The following CACNA1B variants were observed in gnomAD, a reference collection of about 807,000 sequenced individuals.
CACNA1B encodes calcium voltage-gated channel subunit alpha1 B.
CACNA1B carries 70 observed loss-of-function variants against 247.2 expected under a neutral mutation model. The observed-to-expected ratio is 0.28, with a 90% CI of 0.23 to 0.35. The LOEUF is 0.35. CACNA1B is among the 10% of genes least tolerant of loss of function. The pLI is 1.00. For synonymous variants in CACNA1B, 1,231 were observed against 1,294.4 expected (o/e 0.95, Z 1.05); for missense variants, 2,367 against 3,197.4 (o/e 0.74, Z 6.26).
At chr9:138,041,819 A>ATTGTAG (rs1959126941) in intron 20 of CACNA1B, among the ~76,000 whole-genome samples, 1 of 152,152 alleles carries the variant, frequency 6.6e-6, no homozygotes, top group South Asian at 2.1e-4. Flanking sequence ...CAGTGGTGCC[A>ATTGTAG]TTGTAGCTCA....
At chr9:137,944,235 G>A (rs984188422) in intron 6 of CACNA1B, among the ~76,000 whole-genome samples, 1 of 152,136 alleles carries the variant, frequency 6.6e-6, no homozygotes, top group African/African-American at 2.4e-5. Flanking sequence ...GGGCCCATCT[G>A]TAGCTTTTGG....
At chr9:138,099,249 C>T (rs1459103160) in intron 37 of CACNA1B, among the ~76,000 whole-genome samples, 1 of 152,158 alleles carries the variant, frequency 6.6e-6, no homozygotes, top group African/African-American at 2.4e-5. Flanking sequence ...ACACAGATGT[C>T]TACATGTGTG....
rs748327990 is a variant in CACNA1B, at chr9:138,052,233, T to C, written c.3807+45T>C. On this transcript the variant is annotated intron_variant, in intron 25 of 46. Coordinates refer to ENST00000371372, the MANE Select transcript of CACNA1B (RefSeq NM_000718.4). This position sits in a 1 kb window ranked among gnomAD's most constrained non-coding sequence, Gnocchi z 5.1. ...GCTTGAGGGATGTGCTGTGTGTGTGTGCGTGTGTGTGTGTGCGTGTGTGTG... is the reference window on the plus strand; with the variant it reads ...GCTTGAGGGATGTGCTGTGTGTGTGCGCGTGTGTGTGTGTGCGTGTGTGTG... The C allele has an allele frequency of 9.7e-6, 10 of 1,026,936 alleles. No individual in the cohort carries two copies. The Admixed American group carries it at 1.1e-4, about 12-fold the overall frequency. 63.6% of individuals were successfully genotyped at this position (1,026,936 alleles called of 1,614,324 possible).
rs1960898290 is a variant in CACNA1B at position 138,092,055 on chromosome 9, C to T, written c.5095-4429C>T. 2.0e-5 allele frequency among the ~76,000 whole-genome samples: 3 copies of T among 152,144 alleles called. No homozygotes were observed. The South Asian group carries it at 6.2e-4, about 32-fold the overall frequency. On this transcript the variant is annotated intron_variant, in intron 36 of 46. Transcript: ENST00000371372. ...CACAAAGAGCACATGCTTCAAAGGG[C>T]AATAAAAGATCACAAGGGCAGAGAG... is the stretch of plus-strand genomic sequence containing the variant.
At chr9:137,968,931 T>C (rs1439905618) in intron 10 of CACNA1B, among the ~76,000 whole-genome samples, 9 of 152,256 alleles carry the variant, frequency 5.9e-5, no homozygotes, top group Non-Finnish European at 7.3e-5. Context: ...TATATGCTAA[T>C]TAAGTGAACC....
rs533737424 is a variant in CACNA1B, at chr9:138,029,370, A to G, written c.3286+4198A>G. On this transcript the variant is annotated intron_variant, in intron 20 of 46. Transcript: ENST00000371372. ...TTGTTGATGTCTGGTCTCTTTTTGT[A>G]GGACAGTTCCTTTGTAATACCCCTT... Among the ~76,000 whole-genome samples the G allele has an allele frequency of 2.7e-4, 41 of 152,298 alleles. 1 individual carries two copies. Among genetic ancestry groups the G allele is most frequent in the Non-Finnish European group, 5.0e-4 (34 of 68,024 alleles).
chr9:138,122,273 T>G lies in CACNA1B; in HGVS notation c.*274T>G. ...TAAACCGCAGGCTGCTGTGTGTGGCTGAGAAGGACCCAGGAGTCCAAATCC... is the reference window on the plus strand; with the variant it reads ...TAAACCGCAGGCTGCTGTGTGTGGCGGAGAAGGACCCAGGAGTCCAAATCC... On this transcript the variant is annotated 3_prime_UTR_variant, in exon 47 of 47. Transcript: ENST00000371372. 1 of 513,188 alleles carries G rather than the reference T, an allele frequency of 1.9e-6. No homozygotes were observed. The allele number at this position is 513,188 out of a possible 1,614,324, so 31.8% of individuals were successfully genotyped here. A position where few individuals can be genotyped will look rare whatever the true frequency, so the allele number is the denominator to read the frequency against.
rs1960172936 is a variant in CACNA1B at position 138,072,659 on chromosome 9, A to G, written c.4675-829A>G. On this transcript the variant is annotated intron_variant, in intron 32 of 46. Transcript: ENST00000371372. This position sits in a 1 kb window ranked among gnomAD's most constrained non-coding sequence, Gnocchi z 4.5. ...CAAGCACCCCCATCTGTGCACGGAC[A>G]CCTCCCCAGAGCCTGCTTCCCTGAA... is the stretch of plus-strand genomic sequence containing the variant. 1.3e-5 allele frequency among the ~76,000 whole-genome samples: 2 copies of G among 152,086 alleles called. 1 individual carries two copies. Among genetic ancestry groups the G allele is most frequent in the African/African-American group, 4.8e-5 (2 of 41,398 alleles).
intron 36 of CACNA1B, among the ~76,000 whole-genome samples, chr9:138,087,713 C>CAAAA (rs57138546): frequency 5.6e-5 from 2 of 35,456 alleles, no homozygotes; most frequent in East Asian, 7.3e-4. Flanking sequence ...GACTCCGTCT[C>CAAAA]AAAAAAAAAA....
Position 138,102,622 on chromosome 9 carries a change from AC to A in CACNA1B, c.5223-85del. ...TCTTGTCTGCTTCCTCCCTGCCCCT[AC>A]CCCGCTCCCCTCCCCGCTCCCCTCC... is the stretch of plus-strand genomic sequence containing the variant. On this transcript the variant is annotated intron_variant, in intron 37 of 46. Coordinates refer to ENST00000371372, the MANE Select transcript of CACNA1B (RefSeq NM_000718.4). This position sits in a 1 kb window ranked among gnomAD's most constrained non-coding sequence, Gnocchi z 5.4. The A allele has an allele frequency of 1.7e-6, 1 of 589,136 alleles. No homozygotes were observed. 36.5% of individuals were successfully genotyped at this position (589,136 alleles called of 1,614,324 possible).
chr9:137,965,201 C>G (rs867933161), intron 10 of CACNA1B, among the ~76,000 whole-genome samples: 1 of 152,212 alleles, frequency 6.6e-6, no homozygotes, highest in Non-Finnish European at 1.5e-5. Flanking sequence ...AAAGAAGCAG[C>G]CTGACTGCTT....
chr9:137,945,493 A>G (rs1341313844), intron 6 of CACNA1B, among the ~76,000 whole-genome samples: 1 of 152,222 alleles, frequency 6.6e-6, no homozygotes, highest in East Asian at 1.9e-4. Context: ...TCCCTTCACA[A>G]TCAGTGGCCC....
chr9:137,896,398 G>A lies in CACNA1B; in HGVS notation c.530+13515G>A, dbSNP rs77437204. Among the ~76,000 whole-genome samples, 301 of 152,232 alleles carry A rather than the reference G, an allele frequency of 2.0e-3. 4 individuals are homozygous for A. Among genetic ancestry groups the A allele is most frequent in the African/African-American group, 7.0e-3 (290 of 41,548 alleles). Reference sequence around the variant, plus strand: ...TTTTGCATTGGTATGATCATGTGATGTTTCTTCTTTAGGATGTTAATACAG... The same window carrying A: ...TTTTGCATTGGTATGATCATGTGATATTTCTTCTTTAGGATGTTAATACAG... On this transcript the variant is annotated intron_variant, in intron 3 of 46. Coordinates refer to ENST00000371372, the MANE Select transcript of CACNA1B (RefSeq NM_000718.4).
In CACNA1B at chr9:137,954,191, C is replaced by G. The variant is rs961292383; in HGVS notation, c.1071-1507C>G. The stretch of plus-strand genomic sequence containing the variant: ...CAGCAGAGGGCCCCCAAGCCAGGGG[C>G]TGGCACCCCCCATGTGGGTCCTGCA... On this transcript the variant is annotated intron_variant, in intron 7 of 46. Coordinates refer to ENST00000371372, the MANE Select transcript of CACNA1B (RefSeq NM_000718.4). This position sits in a 1 kb window ranked among gnomAD's most constrained non-coding sequence, Gnocchi z 4.1. Among the ~76,000 whole-genome samples the G allele has an allele frequency of 2.2e-4, 34 of 152,196 alleles. No individual in the cohort carries two copies. The highest frequency in any genetic ancestry group is 8.0e-4 in the African/African-American group (33 of 41,450).
rs369167456 is a variant in CACNA1B at position 137,889,872 on chromosome 9, C to G, written c.530+6989C>G. Among the ~76,000 whole-genome samples, 399 of 146,622 alleles carry G rather than the reference C, an allele frequency of 2.7e-3. 6 individuals are homozygous for G. The highest frequency in any genetic ancestry group is 8.7e-3 in the African/African-American group (354 of 40,862). ...CCGCTCTCTTTCTCTGTGTCTCCCC[C>G]CTCCCTCTCTGCCTCCTTCCTGCAT... is the stretch of plus-strand genomic sequence containing the variant. On this transcript the variant is annotated intron_variant, in intron 3 of 46. Transcript: ENST00000371372.
intron 13 of CACNA1B, among the ~76,000 whole-genome samples, chr9:137,985,131 C>T (rs550359806): frequency 1.3e-5 from 2 of 152,238 alleles, no homozygotes; most frequent in Non-Finnish European, 1.5e-5. Context: ...TAGGTCACAC[C>T]TCTAGTGACC....
intron 12 of CACNA1B, among the ~76,000 whole-genome samples, chr9:137,981,287 A>C (rs1958290602): frequency 6.6e-6 from 1 of 152,096 alleles, no homozygotes; most frequent in African/African-American, 2.4e-5. Flanking sequence ...GCCATTATTT[A>C]TGTTGAGATC....
intron 21 of CACNA1B, among the ~76,000 whole-genome samples, chr9:138,044,324 T>G (rs1959167336): frequency 6.6e-6 from 1 of 152,236 alleles, no homozygotes; most frequent in African/African-American, 2.4e-5. Context: ...TCATCCACTC[T>G]TCAGTCCAGG....
At chr9:138,028,812 G>A (rs1958952633) in intron 20 of CACNA1B, among the ~76,000 whole-genome samples, 1 of 152,194 alleles carries the variant, frequency 6.6e-6, no homozygotes, top group Non-Finnish European at 1.5e-5. Flanking sequence ...ATATAGCTGA[G>A]CTCTGATTGG....
Sources: gnomAD v4.1 joint callset for allele counts (sites outside exome capture counted in the v4.1 genomes callset) on GRCh38, gnomAD v4.1.1 for gene constraint, Gnocchi (gnomAD v3.1) non-coding constraint, MANE v1.5 for transcripts, NCBI Gene and HGNC (gene_info 2026-07-23, HGNC 2026-07-21) for gene names.